Variants in NEK11 observed in about 807,000 individuals in gnomAD.
The protein encoded by NEK11 is NIMA related kinase 11.
Under a neutral mutation model 80.7 loss-of-function variants are expected in NEK11, and 72 were observed. The ratio of observed to expected loss-of-function variants is 0.89; its 90% CI spans 0.74 to 1.08. The LOEUF is 1.08. Among genes scored for constraint, NEK11 ranks in the 50% least tolerant of loss-of-function variants. The probability of loss-of-function intolerance (pLI) is 0.00; values close to 1 mark genes in which losing one functional copy is unlikely to be tolerated. For synonymous variants in NEK11, 251 were observed against 260.7 expected, an observed-to-expected ratio of 0.96 and a Z score of 0.36; for missense variants, 764 against 763.6, an observed-to-expected ratio of 1.00 and a Z score of -0.01.
chr3:131,133,943 A>G lies in NEK11; in HGVS notation c.634A>G (p.Lys212Glu). The change falls in exon 7 of 18, where the codon AAG (lysine) becomes GAG (glutamate). Residue 212 changes from lysine to glutamate, a missense_variant. Physicochemically the swap from Lys to Glu is moderately conservative, Grantham distance 56. Transcript: ENST00000383366. ...TCTGAAACACCAAGGCTATGACACAAAGTCGGACATCTGGTGAGTGGGCTA... is the reference window on the plus strand; with the variant it reads ...TCTGAAACACCAAGGCTATGACACAGAGTCGGACATCTGGTGAGTGGGCTA... ...EALKHQGYDT[K>E]SDIWSLACIL... The G allele has an allele frequency of 1.2e-6, 2 of 1,609,408 alleles. No individual in the cohort carries two copies. Among genetic ancestry groups the G allele is most frequent in the Non-Finnish European group, 1.7e-6 (2 of 1,177,474 alleles).
chr3:131,041,361 A>G (rs1031866745), intron 3 of NEK11, among the ~76,000 whole-genome samples: 4 of 152,240 alleles, frequency 2.6e-5, no homozygotes, highest in African/African-American at 9.6e-5. Context: ...TTGCATTTTA[A>G]GTAAGCTTTA....
At chr3:131,139,386 C>T (rs1450793995) in intron 7 of NEK11, among the ~76,000 whole-genome samples, 1 of 150,410 alleles carries the variant, frequency 6.6e-6, no homozygotes, top group Non-Finnish European at 1.5e-5. Flanking sequence ...AGCACACCTC[C>T]AAGATCTGGA....
chr3:131,043,047 A>G (rs1205943616), intron 3 of NEK11, among the ~76,000 whole-genome samples: 1 of 152,244 alleles, frequency 6.6e-6, no homozygotes, highest in Non-Finnish European at 1.5e-5. Flanking sequence ...AAAACTAACA[A>G]ACAGAAAGCA....
intron 17 of NEK11, among the ~76,000 whole-genome samples, chr3:131,286,401 G>T (rs16836272): frequency 1.3e-5 from 2 of 152,130 alleles, no homozygotes; most frequent in African/African-American, 2.4e-5. Context: ...AGAGCTGTAA[G>T]TAAACTATGT....
At chr3:131,031,476 GT>G (rs2064838799) in intron 3 of NEK11, among the ~76,000 whole-genome samples, 1 of 152,050 alleles carries the variant, frequency 6.6e-6, no homozygotes, top group Admixed American at 6.6e-5. Context: ...TCCAATTTTG[GT>G]TTCTTCAACT....
chr3:131,109,669 G>A (rs2079760519), intron 4 of NEK11, 134 bp from the exon 5 acceptor site: 4 of 907,476 alleles, frequency 4.4e-6, no homozygotes, highest in Non-Finnish European at 6.6e-6. Flanking sequence ...ATTAAAGAGA[G>A]AATCTTTGTC....
At chr3:131,304,774 C>T (rs1424149793) in intron 17 of NEK11, among the ~76,000 whole-genome samples, 1 of 152,202 alleles carries the variant, frequency 6.6e-6, no homozygotes, top group South Asian at 2.1e-4. Context: ...GGTCTGCTAG[C>T]CACAACATGC....
At chr3:131,109,644 C>G (rs1046081163) in intron 4 of NEK11, 159 bp from the exon 5 acceptor site, 1 of 722,744 alleles carries the variant, frequency 1.4e-6, no homozygotes, top group African/African-American at 1.8e-5. Flanking sequence ...CTCAAAGGAA[C>G]CTGGATAGAC....
At chr3:131,209,393 G>A (rs917345469) in intron 14 of NEK11, among the ~76,000 whole-genome samples, 6 of 152,218 alleles carry the variant, frequency 3.9e-5, no homozygotes, top group African/African-American at 1.4e-4. Flanking sequence ...ATTTTATTGA[G>A]GATTTTTGTA....
intron 4 of NEK11, among the ~76,000 whole-genome samples, chr3:131,099,078 G>T (rs1402424102): frequency 2.0e-5 from 3 of 152,030 alleles, no homozygotes; most frequent in South Asian, 2.1e-4. Context: ...CATTTCTTAG[G>T]TTTCTTCTAG....
At chr3:131,081,409 C>G (rs1355945226) in intron 4 of NEK11, among the ~76,000 whole-genome samples, 2 of 152,142 alleles carry the variant, frequency 1.3e-5, no homozygotes, top group Non-Finnish European at 2.9e-5. Flanking sequence ...TCCAACCACT[C>G]TGAGTTCTAT....
chr3:131,075,794 G>T (rs1020794523), intron 3 of NEK11, among the ~76,000 whole-genome samples: 6 of 152,136 alleles, frequency 3.9e-5, no homozygotes, highest in Non-Finnish European at 5.9e-5. Flanking sequence ...TAATTGCACT[G>T]ATCAGGACTC....
In NEK11 at chr3:131,109,868, A is replaced by G. The variant is rs2079807542; in HGVS notation, c.402A>G (p.Gln134=). The change falls in exon 5 of 18, where the codon CAA becomes CAG. Residue 134 remains glutamine (Q), a synonymous_variant. Coordinates refer to ENST00000383366, the MANE Select transcript of NEK11 (RefSeq NM_024800.5). The stretch of plus-strand genomic sequence containing the variant: ...CTGGAAAAATCTTTCCAGAAAATCA[A>G]ATAATAGAATGGTTTATCCAGCTGC... ...KQAGKIFPEN[Q]IIEWFIQLLL... is the part of the protein sequence containing the mutation. 9.3e-6 allele frequency: 15 copies of G among 1,604,426 alleles called. No individual in the cohort carries two copies. Among genetic ancestry groups the G allele is most frequent in the Non-Finnish European group, 1.3e-5 (15 of 1,176,392 alleles).
At chr3:131,328,707 TC>T (rs1489416649) in intron 17 of NEK11, 2 of 152,204 alleles carry the variant, frequency 1.3e-5, no homozygotes, top group African/African-American at 4.8e-5. Context: ...GTGCTTTTTC[TC>T]CCTCTCCCTG....
Position 131,228,659 on chromosome 3 carries a change from T to A in NEK11, c.1531T>A (p.Ser511Thr). 3 of 1,613,368 alleles carry A rather than the reference T, an allele frequency of 1.9e-6. No individual in the cohort carries two copies. Among genetic ancestry groups the A allele is most frequent in the Non-Finnish European group, 1.7e-6 (2 of 1,179,568 alleles). ...RPEKEIRNEG[S>T]QPAYRTNQQD... ...AGAGAAAGAAATCAGGAATGAGGGA[T>A]CCCAGCCTGCTTACAGAACAAACCA... Residue 511 changes from serine (S) to threonine (T), a missense_variant, in exon 15 of 18, where the codon TCC becomes ACC. Ser to Thr is a moderately conservative substitution (Grantham distance 58). Coordinates refer to ENST00000383366, the MANE Select transcript of NEK11 (RefSeq NM_024800.5).
chr3:131,292,381 G>A (rs1474660649), intron 17 of NEK11, among the ~76,000 whole-genome samples: 1 of 152,144 alleles, frequency 6.6e-6, no homozygotes, highest in Non-Finnish European at 1.5e-5. Flanking sequence ...TTTCAATTGT[G>A]TTGACTATTC....
chr3:131,197,254 TCTAA>T (rs920290305), intron 14 of NEK11, among the ~76,000 whole-genome samples: 4 of 152,126 alleles, frequency 2.6e-5, no homozygotes. Context: ...CGATGACTGC[TCTAA>T]CTGCTTCCTG....
chr3:131,187,060 T>C (rs2093628690), intron 14 of NEK11, among the ~76,000 whole-genome samples: 1 of 152,304 alleles, frequency 6.6e-6, no homozygotes, highest in East Asian at 1.9e-4. Context: ...CAAGGAAAAG[T>C]CTGTGCTTGT....
intron 4 of NEK11, among the ~76,000 whole-genome samples, chr3:131,108,796 A>G (rs1303298613): frequency 6.6e-6 from 1 of 152,030 alleles, no homozygotes; most frequent in African/African-American, 2.4e-5. Flanking sequence ...CAGTTATTAT[A>G]TTCCTTAGGG....
Sources: gnomAD v4.1 joint callset for allele counts (sites outside exome capture counted in the v4.1 genomes callset) on GRCh38, gnomAD v4.1.1 for gene constraint, MANE v1.5 for transcripts, NCBI Gene and HGNC (gene_info 2026-07-23, HGNC 2026-07-21) for gene names.